Variants in NFIB observed in about 807,000 individuals in gnomAD.
The protein encoded by NFIB is nuclear factor I B, also known as nuclear factor 1 B-type.
Under a neutral mutation model 61.5 loss-of-function variants are expected in NFIB, and 11 were observed. The observed-to-expected ratio is 0.18, with a 90% CI of 0.11 to 0.30. The LOEUF (loss-of-function observed/expected upper bound fraction) is 0.30. Ranked by LOEUF, NFIB falls within the 10% of genes least tolerant of loss-of-function variation. The pLI is 1.00. For missense variants in NFIB, 471 were observed against 608.9 expected, an observed-to-expected ratio of 0.77 and a Z score of 2.38; for synonymous variants, 260 against 216.5, an observed-to-expected ratio of 1.20 and a Z score of -1.76.
At chr9:14,427,937 G>GTTTTTTTTTTTTGTTTTTTTTT in the NFIB span, among the ~76,000 whole-genome samples, 2 of 43,384 alleles carry the variant, frequency 4.6e-5, no homozygotes, top group Non-Finnish European at 8.7e-5. Flanking sequence ...TAATTCAGTT[G>GTTTTTTTTTTTTGTTTTTTTTT]TTTTTTTTTT....
intron 1 of NFIB, among the ~76,000 whole-genome samples, chr9:14,355,116 G>C (rs1248135638): frequency 6.6e-6 from 1 of 152,158 alleles, no homozygotes; most frequent in Non-Finnish European, 1.5e-5. Flanking sequence ...AAAGGGAAAA[G>C]CTGTGTTACA....
At chr9:14,207,364 T>A (rs1253370104) in intron 2 of NFIB, among the ~76,000 whole-genome samples, 1 of 152,218 alleles carries the variant, frequency 6.6e-6, no homozygotes, top group Non-Finnish European at 1.5e-5. Flanking sequence ...TTTTGACACA[T>A]ACCTTCCCAA....
exon 1 of NFIB, chr9:14,398,881 G>C (rs2061714569): frequency 2.6e-6 from 1 of 380,392 alleles, no homozygotes; most frequent in Non-Finnish European, 4.7e-6. Context: ...TAACAGTCTT[G>C]CTCCGACATG....
chr9:14,447,457 T>C, the NFIB span, among the ~76,000 whole-genome samples: 371 of 152,180 alleles, frequency 2.4e-3, 3 homozygotes, highest in East Asian at 7.1e-3. Context: ...TAGTGTGGGG[T>C]CACTCTCCAT....
intron 2 of NFIB, among the ~76,000 whole-genome samples, chr9:14,301,914 A>T (rs533995637): frequency 2.4e-4 from 37 of 152,336 alleles, no homozygotes; most frequent in South Asian, 6.2e-4. Context: ...ATTGTGTATG[A>T]GCCAGAATGC....
the NFIB span, among the ~76,000 whole-genome samples, chr9:14,514,714 A>G: frequency 1.3e-5 from 2 of 152,084 alleles, no homozygotes; most frequent in Admixed American, 1.3e-4. Context: ...TATTCTTTTT[A>G]TTAGCCTCCT....
intron 2 of NFIB, among the ~76,000 whole-genome samples, chr9:14,217,938 T>C (rs978712844): frequency 2.0e-5 from 3 of 152,162 alleles, no homozygotes; most frequent in South Asian, 2.1e-4. Flanking sequence ...AGTAAATATA[T>C]ATGGGCAGTG....
chr9:14,287,095 G>A (rs971425245), intron 2 of NFIB, among the ~76,000 whole-genome samples: 1 of 152,000 alleles, frequency 6.6e-6, no homozygotes, highest in Non-Finnish European at 1.5e-5. Flanking sequence ...TCTATCTTTG[G>A]GTATATGATT....
At chr9:14,298,953 A>G (rs1407106247) in intron 2 of NFIB, among the ~76,000 whole-genome samples, 1 of 152,222 alleles carries the variant, frequency 6.6e-6, no homozygotes, top group Non-Finnish European at 1.5e-5. Flanking sequence ...CTCATAAAAC[A>G]AGGCTTTTAA....
chr9:14,481,197 G>GTATATATATA, the NFIB span, among the ~76,000 whole-genome samples: 461 of 45,742 alleles, frequency 0.01, 41 homozygotes, highest in Middle Eastern at 0.021. Flanking sequence ...GTGTGTGTGT[G>GTATATATATA]TATATATATA....
intron 1 of NFIB, among the ~76,000 whole-genome samples, chr9:14,381,629 G>C (rs1035509916): frequency 6.6e-6 from 1 of 152,220 alleles, no homozygotes; most frequent in Non-Finnish European, 1.5e-5. Flanking sequence ...TTGTGACTAA[G>C]AGCAAGTGTG....
At chr9:14,116,998 G>T (rs1390914564) in intron 8 of NFIB, among the ~76,000 whole-genome samples, 1 of 152,140 alleles carries the variant, frequency 6.6e-6, no homozygotes, top group Non-Finnish European at 1.5e-5. Flanking sequence ...AATACAAGAA[G>T]ATAGAATAAG....
intron 1 of NFIB, among the ~76,000 whole-genome samples, chr9:14,396,420 C>T (rs1336155847): frequency 6.6e-6 from 1 of 152,160 alleles, no homozygotes; most frequent in Non-Finnish European, 1.5e-5. Context: ...GGCACGCCTC[C>T]CATGGGAGCT....
chr9:14,280,603 G>A lies in NFIB; in HGVS notation c.562+26386C>T, dbSNP rs191549597. On this transcript the variant is annotated intron_variant, in intron 2 of 10. Coordinates refer to ENST00000380953, the MANE Select transcript of NFIB (RefSeq NM_001190737.2). ...CCTTAAAAGAATAAGGCAATTCATT[G>A]ACTAGTCTTCTCCTGTAACAAGTAG... Among the ~76,000 whole-genome samples the A allele has an allele frequency of 2.4e-4, 36 of 152,274 alleles. No homozygotes were observed. The East Asian group carries it at 6.6e-3, about 28-fold the overall frequency.
intron 3 of NFIB, among the ~76,000 whole-genome samples, chr9:14,162,306 TAA>T (rs1225428218): frequency 2.0e-5 from 3 of 152,094 alleles, no homozygotes; most frequent in Non-Finnish European, 2.9e-5. Context: ...CTCAGATTTT[TAA>T]AAAGTTTTCT....
At chr9:14,323,434 C>A (rs1215651073) in intron 1 of NFIB, among the ~76,000 whole-genome samples, 1 of 151,598 alleles carries the variant, frequency 6.6e-6, no homozygotes, top group South Asian at 2.1e-4. Flanking sequence ...GTAGTTATGT[C>A]GGGAAATAAT....
chr9:14,485,812 T>C, the NFIB span, among the ~76,000 whole-genome samples: 4 of 151,900 alleles, frequency 2.6e-5, no homozygotes, highest in Admixed American at 1.3e-4. Flanking sequence ...GAAGCAGAGG[T>C]TGCAGTGAGC....
chr9:14,356,035 G>A (rs2061173010), intron 1 of NFIB, among the ~76,000 whole-genome samples: 1 of 151,232 alleles, frequency 6.6e-6, no homozygotes, highest in African/African-American at 2.4e-5. Context: ...TTGCATTTTT[G>A]CATTGCACTG....
the NFIB span, among the ~76,000 whole-genome samples, chr9:14,463,814 C>G: frequency 6.6e-6 from 1 of 151,992 alleles, no homozygotes; most frequent in Admixed American, 6.5e-5. Flanking sequence ...GCGCCCGCCA[C>G]CAAGCCCGGC....
Sources: allele counts gnomAD v4.1 joint callset (sites outside exome capture counted in the v4.1 genomes callset), GRCh38; gene constraint gnomAD v4.1.1; transcripts MANE v1.5; gene names NCBI Gene and HGNC (gene_info 2026-07-23, HGNC 2026-07-21).